The following CCDC3 variants were observed in gnomAD, a reference collection of about 807,000 sequenced individuals.
The protein encoded by CCDC3 is coiled-coil domain containing 3.
Under a neutral mutation model 21.4 loss-of-function variants are expected in CCDC3, and 24 were observed. The observed-to-expected ratio is 1.12, with a 90% confidence interval of 0.81 to 1.58. CCDC3 has a LOEUF of 1.58. Among genes scored for constraint, CCDC3 ranks in the 40% most tolerant of loss-of-function variants. The pLI, the probability that CCDC3 is intolerant of heterozygous loss-of-function variation, is 0.00. For synonymous variants in CCDC3, 186 were observed against 166.0 expected, an observed-to-expected ratio of 1.12 and a Z score of -0.93; for missense variants, 425 against 360.9, an observed-to-expected ratio of 1.18 and a Z score of -1.44.
Position 13,046,574 on chromosome 10 carries a change from G to T in CCDC3, c.-2+3100C>A, listed in dbSNP as rs825426. Among the ~76,000 whole-genome samples the T allele has an allele frequency of 1.5e-4, 23 of 151,656 alleles. 2 individuals are homozygous for T. The East Asian group carries it at 4.5e-3, about 30-fold the overall frequency. On this transcript the variant is annotated intron_variant, in intron 5 of 6. Transcript: ENST00000378839. ...AAAAAAAAATTAGCCAGGTGTGGTG[G>T]GGCATGCCTGTAATCCCAGCTACTC... is the stretch of plus-strand genomic sequence containing the variant.
intron 5 of CCDC3, among the ~76,000 whole-genome samples, chr10:13,034,887 A>G (rs1836358116): frequency 6.6e-6 from 1 of 152,024 alleles, no homozygotes. Context: ...TTAGCCAGGC[A>G]TGTTGGCGGA....
At chr10:13,097,277 G>GA (rs1239930594) in intron 3 of CCDC3, among the ~76,000 whole-genome samples, 3 of 152,200 alleles carry the variant, frequency 2.0e-5, no homozygotes, top group African/African-American at 7.2e-5. Flanking sequence ...CACCAAACGG[G>GA]ATGATCCAGG....
intron 5 of CCDC3, among the ~76,000 whole-genome samples, chr10:13,031,709 A>G (rs1446081828): frequency 1.3e-5 from 2 of 152,180 alleles, no homozygotes; most frequent in Non-Finnish European, 2.9e-5. Flanking sequence ...AATACTATAA[A>G]CACCTCTACA....
intron 2 of CCDC3, among the ~76,000 whole-genome samples, chr10:12,980,568 A>G (rs1298739506): frequency 6.6e-6 from 1 of 152,180 alleles, no homozygotes; most frequent in Non-Finnish European, 1.5e-5. Context: ...AGGCTTAGGT[A>G]AGCAAAGATA....
Position 12,916,301 on chromosome 10 carries a change from G to A in CCDC3, c.550-17622C>T, listed in dbSNP as rs150904141. 1.4e-3 allele frequency among the ~76,000 whole-genome samples: 217 copies of A among 152,172 alleles called. 1 individual carries two copies. The highest frequency in any genetic ancestry group is 2.7e-3 in the Admixed American group (42 of 15,288). ...ACAAAAATTAGCTGGGCATGGTGGT[G>A]CATGCCTGTAATCCCAGCTACTCAG... On this transcript the variant is annotated intron_variant, in intron 2 of 2. Transcript: ENST00000378825.
intron 4 of CCDC3, among the ~76,000 whole-genome samples, chr10:13,072,400 G>A (rs764299171): frequency 6.6e-6 from 1 of 152,188 alleles, no homozygotes; most frequent in African/African-American, 2.4e-5. Flanking sequence ...CTTCTTTAGA[G>A]GGGGGAATAA....
At chr10:12,917,298 A>G (rs888494876) in intron 2 of CCDC3, among the ~76,000 whole-genome samples, 1 of 135,596 alleles carries the variant, frequency 7.4e-6, no homozygotes. Context: ...GGTTCATGCC[A>G]TTCTCCTGCC....
At chr10:13,072,678 CTTTTT>C (rs907082880) in intron 4 of CCDC3, among the ~76,000 whole-genome samples, 2 of 97,184 alleles carry the variant, frequency 2.1e-5, no homozygotes, top group Non-Finnish European at 5.0e-5. Context: ...TGAGTTTTTT[CTTTTT>C]TTTTCCCCCT....
intron 2 of CCDC3, among the ~76,000 whole-genome samples, chr10:12,915,465 A>C (rs1834337937): frequency 6.6e-6 from 1 of 152,170 alleles, no homozygotes; most frequent in Non-Finnish European, 1.5e-5. Context: ...ATTCTTTGTC[A>C]GGTAGCTCAT....
intron 2 of CCDC3, among the ~76,000 whole-genome samples, chr10:12,968,702 G>A (rs1009209581): frequency 6.6e-6 from 1 of 152,132 alleles, no homozygotes; most frequent in Non-Finnish European, 1.5e-5. Context: ...GATGTAAACT[G>A]TGACATCAAA....
intron 2 of CCDC3, among the ~76,000 whole-genome samples, chr10:12,964,008 G>A (rs1835220992): frequency 6.6e-6 from 1 of 152,192 alleles, no homozygotes; most frequent in South Asian, 2.1e-4. Context: ...ACAAGTCAGT[G>A]ATACAACTCT....
chr10:13,001,059 AG>A, intron 1 of CCDC3, 137 bp downstream of exon 1: 4 of 1,097,410 alleles, frequency 3.6e-6, no homozygotes, highest in Non-Finnish European at 3.8e-6. Context: ...CAAGAAGGCA[AG>A]GGGTAGGCGC....
chr10:13,034,432 G>C (rs1247938253), intron 5 of CCDC3, among the ~76,000 whole-genome samples: 3 of 150,668 alleles, frequency 2.0e-5, no homozygotes, highest in African/African-American at 7.3e-5. Flanking sequence ...CATGGCACCT[G>C]TATACATATG....
chr10:13,090,919 G>A (rs74649469), intron 3 of CCDC3, among the ~76,000 whole-genome samples: 1 of 152,210 alleles, frequency 6.6e-6, no homozygotes, highest in South Asian at 2.1e-4. Context: ...CTCAAAAGTA[G>A]GGAAGCTGAC....
chr10:12,922,989 GTGAGA>G (rs1413472741), intron 2 of CCDC3, among the ~76,000 whole-genome samples: 1 of 152,126 alleles, frequency 6.6e-6, no homozygotes, highest in Non-Finnish European at 1.5e-5. Flanking sequence ...CCCTTTGTGA[GTGAGA>G]TAAGATAATC....
chr10:12,992,309 G>A (rs1835694204), intron 2 of CCDC3, among the ~76,000 whole-genome samples: 1 of 152,096 alleles, frequency 6.6e-6, no homozygotes, highest in Non-Finnish European at 1.5e-5. Flanking sequence ...AGAATCGCTT[G>A]AACCTCACTG....
chr10:12,905,499 T>C (rs1257781186), intron 2 of CCDC3, among the ~76,000 whole-genome samples: 1 of 152,090 alleles, frequency 6.6e-6, no homozygotes, highest in African/African-American at 2.4e-5. Context: ...GGCAAAGGGT[T>C]TGAAAAAAAC....
chr10:12,962,238 G>T (rs779625238), intron 2 of CCDC3, among the ~76,000 whole-genome samples: 6 of 152,150 alleles, frequency 3.9e-5, no homozygotes, highest in Non-Finnish European at 7.3e-5. Context: ...AGAAAAACAC[G>T]TAACGATCAG....
intron 2 of CCDC3, among the ~76,000 whole-genome samples, chr10:12,912,371 T>G (rs2131205412): frequency 6.6e-6 from 1 of 152,326 alleles, no homozygotes. Flanking sequence ...TGTCCCTGAT[T>G]AGTGATGTTG....
Sources: allele counts gnomAD v4.1 joint callset (sites outside exome capture counted in the v4.1 genomes callset), GRCh38; gene constraint gnomAD v4.1.1; transcripts MANE v1.5; gene names NCBI Gene and HGNC (gene_info 2026-07-23, HGNC 2026-07-21).